Variants in CHST15 observed in about 807,000 individuals in gnomAD.
The protein encoded by CHST15 is B cell RAG associated protein (GALNAC4S-6ST).
In CHST15, 30 loss-of-function variants were observed where a neutral mutation model predicts 53.6. The ratio of observed to expected loss-of-function variants is 0.56; its 90% CI spans 0.42 to 0.76. The LOEUF is 0.76. Among genes scored for constraint, CHST15 ranks in the 30% least tolerant of loss-of-function variants. The pLI, the probability that CHST15 is intolerant of heterozygous loss-of-function variation, is 0.00. For missense variants in CHST15, 627 were observed against 740.5 expected (o/e 0.85, Z 1.78); for synonymous variants, 296 against 289.8 (o/e 1.02, Z -0.22).
In CHST15 at chr10:124,028,289, C is replaced by A. The variant is rs375741153; in HGVS notation, c.1191-6877G>T. On this transcript the variant is annotated intron_variant, in intron 5 of 7. Transcript: ENST00000435907. ...ATATTCCTTGGTGATCGCAATAGCTCATTAGAGTTTGATGGTTCCTGTTCC... is the reference window on the plus strand; with the variant it reads ...ATATTCCTTGGTGATCGCAATAGCTAATTAGAGTTTGATGGTTCCTGTTCC... Among the ~76,000 whole-genome samples the A allele has an allele frequency of 1.1e-4, 17 of 152,178 alleles. No homozygotes were observed. In the East Asian group the frequency reaches 1.3e-3, roughly 12 times the overall value.
At position 124,008,478 on chromosome 10, in the gene CHST15, G is replaced by T. The variant is rs1590164804; in HGVS notation, c.*1671C>A. 1.0e-6 allele frequency: 1 copy of T among 992,996 alleles called. No homozygotes were observed. The highest frequency in any genetic ancestry group is 1.7e-5 in the African/African-American group (1 of 57,420). 61.5% of individuals were successfully genotyped at this position (992,996 alleles called of 1,614,324 possible). A position where few individuals can be genotyped will look rare whatever the true frequency, so the allele number is the denominator to read the frequency against. On this transcript the variant is annotated 3_prime_UTR_variant, in exon 8 of 8. Coordinates refer to ENST00000435907, the MANE Select transcript of CHST15 (RefSeq NM_001270764.2). ...TGCTCCCAGTGCCGGCTATAGAGAA[G>T]GTGGGGACTGTCCCTGCAAGTGGGA...
At chr10:124,079,797 AAAG>A (rs1181191957) in intron 1 of CHST15, among the ~76,000 whole-genome samples, 2 of 152,348 alleles carry the variant, frequency 1.3e-5, no homozygotes, top group East Asian at 1.9e-4. Flanking sequence ...AGCAATGCTT[AAAG>A]AAGAGGCCAA....
chr10:124,082,394 G>A (rs143829219), intron 1 of CHST15, among the ~76,000 whole-genome samples: 61 of 152,252 alleles, frequency 4.0e-4, no homozygotes, highest in African/African-American at 1.3e-3. Flanking sequence ...AACCACGTTC[G>A]CCCGAAGGCC....
chr10:124,054,921 A>C (rs1411287316), intron 1 of CHST15, among the ~76,000 whole-genome samples: 1 of 152,046 alleles, frequency 6.6e-6, no homozygotes, highest in Non-Finnish European at 1.5e-5. Flanking sequence ...GGGCCAGCTG[A>C]CCTGTCTCTT....
At chr10:124,060,392 C>A (rs1948524620) in intron 1 of CHST15, among the ~76,000 whole-genome samples, 1 of 148,992 alleles carries the variant, frequency 6.7e-6, no homozygotes. Flanking sequence ...GTGTGCCAGG[C>A]CCCCCAGGGG....
intron 5 of CHST15, among the ~76,000 whole-genome samples, chr10:124,032,540 A>C (rs1947263081): frequency 6.6e-6 from 1 of 152,234 alleles, no homozygotes; most frequent in Admixed American, 6.5e-5. Context: ...ACTGTCTCAC[A>C]AATGAAGAGG....
intron 1 of CHST15, 113 bp downstream of exon 1, chr10:124,093,356 G>C (rs753586644): frequency 6.6e-6 from 1 of 151,994 alleles, no homozygotes; most frequent in Non-Finnish European, 1.5e-5. Context: ...GGCCGCCGCC[G>C]GCGCTGCCTG....
chr10:124,079,065 T>C (rs76861954), intron 1 of CHST15, among the ~76,000 whole-genome samples: 1 of 152,196 alleles, frequency 6.6e-6, no homozygotes, highest in African/African-American at 2.4e-5. Flanking sequence ...GTAGGACTCA[T>C]GTGACTTGGG....
chr10:124,028,247 A>G (rs904766298), intron 5 of CHST15, among the ~76,000 whole-genome samples: 3 of 152,198 alleles, frequency 2.0e-5, no homozygotes, highest in African/African-American at 7.2e-5. Flanking sequence ...GGGATCTTGT[A>G]TCTCTTGGAA....
At chr10:124,085,869 T>C (rs1031474356) in intron 1 of CHST15, among the ~76,000 whole-genome samples, 1 of 151,942 alleles carries the variant, frequency 6.6e-6, no homozygotes, top group Non-Finnish European at 1.5e-5. Context: ...GGCTCGATGA[T>C]GAAGTAGGCA....
chr10:124,079,908 T>C (rs942461104), intron 1 of CHST15, among the ~76,000 whole-genome samples: 18 of 152,358 alleles, frequency 1.2e-4, no homozygotes, highest in East Asian at 3.9e-4. Flanking sequence ...GTTAACGGCC[T>C]GTGTTCACCT....
At chr10:124,060,207 G>A (rs946490851) in intron 1 of CHST15, among the ~76,000 whole-genome samples, 3 of 151,330 alleles carry the variant, frequency 2.0e-5, no homozygotes, top group Admixed American at 6.6e-5. Context: ...ACCCTCCCCC[G>A]TGTGTGCTGG....
intron 1 of CHST15, among the ~76,000 whole-genome samples, chr10:124,049,711 T>G (rs1948126497): frequency 2.0e-5 from 3 of 152,240 alleles, no homozygotes. Context: ...TGGCTGTTTC[T>G]GCATTCTATG....
intron 5 of CHST15, among the ~76,000 whole-genome samples, chr10:124,023,686 C>A (rs547112464): frequency 6.6e-6 from 1 of 151,988 alleles, no homozygotes; most frequent in Admixed American, 6.6e-5. Flanking sequence ...ACATGGCCTA[C>A]GTGGCTCCAC....
intron 1 of CHST15, among the ~76,000 whole-genome samples, chr10:124,047,783 C>T (rs893187675): frequency 8.5e-5 from 13 of 152,178 alleles, no homozygotes; most frequent in Non-Finnish European, 1.5e-4. Flanking sequence ...ATAATAATAG[C>T]ATCATCAACT....
At chr10:124,058,664 G>T (rs990346461) in intron 1 of CHST15, among the ~76,000 whole-genome samples, 5 of 152,192 alleles carry the variant, frequency 3.3e-5, no homozygotes, top group Non-Finnish European at 5.9e-5. Flanking sequence ...AGGAGGCGAG[G>T]CTGGACTACA....
At position 124,012,315 on chromosome 10, in the gene CHST15, TAAGCACC is replaced by T. The variant is rs759339536; in HGVS notation, c.1495+11_1495+17del. On this transcript the variant is annotated intron_variant, in intron 7 of 7. Coordinates refer to ENST00000435907, the MANE Select transcript of CHST15 (RefSeq NM_001270764.2). ...GAGCTCATGCTTTGGCCCGTCAGTCTAAGCACCACACTCATACCTAGGTTCAGAAACT... is the reference window on the plus strand; with the variant it reads ...GAGCTCATGCTTTGGCCCGTCAGTCTACACTCATACCTAGGTTCAGAAACT... 19 of 1,610,490 alleles carry T rather than the reference TAAGCACC, an allele frequency of 1.2e-5. No homozygotes were observed. The African/African-American group carries it at 2.5e-4, about 22-fold the overall frequency.
intron 3 of CHST15, among the ~76,000 whole-genome samples, chr10:124,042,957 C>G (rs556270521): frequency 3.7e-4 from 56 of 152,262 alleles, no homozygotes; most frequent in African/African-American, 1.3e-3. Context: ...CTCTCTCCTC[C>G]CCCTGTTCAA....
In CHST15 at chr10:124,074,793, C is replaced by T. The variant is rs1189886724; in HGVS notation, c.-513+18676G>A. 6.6e-6 allele frequency among the ~76,000 whole-genome samples: 1 copy of T among 152,226 alleles called. No individual in the cohort carries two copies. The highest frequency in any genetic ancestry group is 2.4e-5 in the African/African-American group (1 of 41,468). On this transcript the variant is annotated intron_variant, in intron 1 of 7. Transcript: ENST00000435907. This position sits in a 1 kb window ranked among gnomAD's most constrained non-coding sequence, Gnocchi z 4.4. ...CATTCACCTCCTAGACTCTAACCTC[C>T]ATGAGGACAGGACCTGGGCATGTCT...
Sources: allele counts gnomAD v4.1 joint callset (sites outside exome capture counted in the v4.1 genomes callset), GRCh38; gene constraint gnomAD v4.1.1; non-coding constraint Gnocchi (gnomAD v3.1); transcripts MANE v1.5; gene names NCBI Gene and HGNC (gene_info 2026-07-23, HGNC 2026-07-21).